Variants in RSF1 observed in about 807,000 individuals in gnomAD.
RSF1 encodes HBV pX-associated protein 8.
Under a neutral mutation model 145.2 loss-of-function variants are expected in RSF1, and 13 were observed. That is an observed-to-expected ratio of 0.09 (90% CI 0.06 to 0.14). The LOEUF (loss-of-function observed/expected upper bound fraction) is 0.14, where lower values mean the gene tolerates loss of function less well. Ranked by LOEUF, RSF1 falls within the 10% of genes least tolerant of loss-of-function variation. The pLI, the probability that RSF1 is intolerant of heterozygous loss-of-function variation, is 1.00. For missense variants in RSF1, 1,517 were observed against 1,718.2 expected (o/e 0.88, Z 2.07); for synonymous variants, 577 against 592.6 (o/e 0.97, Z 0.38).
intron 4 of RSF1, among the ~76,000 whole-genome samples, chr11:77,729,092 G>C (rs1277280306): frequency 2.6e-5 from 4 of 152,166 alleles, no homozygotes; most frequent in African/African-American, 4.8e-5. Flanking sequence ...AGCACTCTCT[G>C]TAGTCCCACT....
intron 5 of RSF1, chr11:77,717,871 T>C (rs1960853077): frequency 6.6e-6 from 1 of 152,162 alleles, no homozygotes; most frequent in Non-Finnish European, 1.5e-5. Flanking sequence ...CAATAGAAAA[T>C]ATAAAAAATA....
At chr11:77,830,129 T>G in the RSF1 span, 1 of 151,882 alleles carries the variant, frequency 6.6e-6, no homozygotes. Context: ...ACCCTGTACC[T>G]AAAAGAAGAA....
intron 5 of RSF1, among the ~76,000 whole-genome samples, chr11:77,706,057 C>T (rs1960540640): frequency 6.6e-6 from 1 of 151,848 alleles, no homozygotes. Context: ...CAAAGGTCAA[C>T]ACGGTGAAAC....
chr11:77,712,060 G>A (rs1295730395), intron 5 of RSF1, among the ~76,000 whole-genome samples: 3 of 152,094 alleles, frequency 2.0e-5, no homozygotes, highest in African/African-American at 2.4e-5. Context: ...CAAAAGTTAC[G>A]TTGTGCTTTG....
intron 1 of RSF1, among the ~76,000 whole-genome samples, chr11:77,796,396 C>G (rs1421974473): frequency 6.6e-6 from 1 of 152,074 alleles, no homozygotes; most frequent in Non-Finnish European, 1.5e-5. Flanking sequence ...ATAAACAGAA[C>G]CAATGACAAA....
chr11:77,867,845 G>A, the RSF1 span, among the ~76,000 whole-genome samples: 1 of 152,176 alleles, frequency 6.6e-6, no homozygotes, highest in East Asian at 1.9e-4. Flanking sequence ...TGATTGGTAG[G>A]TTTTAAAGCA....
In RSF1 at chr11:77,701,681, T is replaced by G. The variant is rs1314646507; in HGVS notation, c.1548A>C (p.Ser516=). The change falls in exon 6 of 16, where the codon TCA becomes TCC. Residue 516 remains serine, a synonymous_variant. Coordinates refer to ENST00000308488, the MANE Select transcript of RSF1 (RefSeq NM_016578.4). ...GACTATGGATCTCTAAGACTGATAT[T>G]GAACTATCTGCATCTTTCCTCAAAG... ...TAPLRKDADS[S]ISVLEIHSQK... is the part of the protein sequence containing the mutation. The G allele has an allele frequency of 6.2e-7, 1 of 1,614,054 alleles. No homozygotes were observed.
chr11:77,681,052 C>T (rs1288247014), intron 11 of RSF1, among the ~76,000 whole-genome samples: 5 of 152,054 alleles, frequency 3.3e-5, no homozygotes, highest in Non-Finnish European at 7.4e-5. Flanking sequence ...ATGAAACATC[C>T]CACTCTTGCC....
chr11:77,706,238 TC>T (rs1288563592), intron 5 of RSF1, among the ~76,000 whole-genome samples: 28 of 115,644 alleles, frequency 2.4e-4, no homozygotes, highest in African/African-American at 8.1e-4. Context: ...AGACTCTGTC[TC>T]CAAAAAAAAA....
intron 2 of RSF1, among the ~76,000 whole-genome samples, chr11:77,761,100 C>T (rs1038109670): frequency 1.3e-5 from 2 of 151,990 alleles, no homozygotes; most frequent in Middle Eastern, 3.2e-3. Context: ...CCACGCCCAG[C>T]TAATTTTTTT....
At chr11:77,769,301 C>A (rs1368272952) in intron 1 of RSF1, among the ~76,000 whole-genome samples, 1 of 152,166 alleles carries the variant, frequency 6.6e-6, no homozygotes, top group Non-Finnish European at 1.5e-5. Context: ...TGATCATTTT[C>A]TAAAACACTG....
At chr11:77,788,757 T>C (rs1227167352) in intron 1 of RSF1, among the ~76,000 whole-genome samples, 1 of 152,136 alleles carries the variant, frequency 6.6e-6, no homozygotes. Flanking sequence ...CTTAAATCTA[T>C]GACCAAAGCT....
chr11:77,774,471 C>T (rs1413752221), intron 1 of RSF1, among the ~76,000 whole-genome samples: 2 of 151,798 alleles, frequency 1.3e-5, no homozygotes, highest in Non-Finnish European at 2.9e-5. Context: ...ACTCGGGAGG[C>T]TGAGGCAGGA....
chr11:77,685,255 C>T (rs1191479467), intron 9 of RSF1, 96 bp from the exon 10 acceptor site: 8 of 632,046 alleles, frequency 1.3e-5, no homozygotes, highest in Middle Eastern at 3.2e-4. Flanking sequence ...ATTACAATTT[C>T]ACGTTAACAG....
chr11:77,717,168 A>G (rs1007466679), intron 5 of RSF1, among the ~76,000 whole-genome samples: 3 of 75,342 alleles, frequency 4.0e-5, no homozygotes, highest in Non-Finnish European at 7.5e-5. Context: ...AAAAAAAAAC[A>G]AAAACCAAAA....
chr11:77,785,984 T>C lies in RSF1; in HGVS notation c.188-21295A>G, dbSNP rs895627889. Among the ~76,000 whole-genome samples the C allele has an allele frequency of 2.5e-4, 11 of 44,264 alleles. No homozygotes were observed. In the Admixed American group the frequency reaches 2.7e-3, roughly 11 times the overall value. 29.0% of individuals were successfully genotyped at this position (44,264 alleles called of 152,430 possible). A position where few individuals can be genotyped will look rare whatever the true frequency, so the allele number is the denominator to read the frequency against. On this transcript the variant is annotated intron_variant, in intron 1 of 15. Coordinates refer to ENST00000308488, the MANE Select transcript of RSF1 (RefSeq NM_016578.4). ...TATACGTAGATCTATTTGTTAAACA[T>C]GAACTATGAACTCTAAAAAGAAACA...
intron 1 of RSF1, among the ~76,000 whole-genome samples, chr11:77,779,505 C>G (rs1360612111): frequency 6.6e-6 from 1 of 152,042 alleles, no homozygotes; most frequent in African/African-American, 2.4e-5. Context: ...GCCTCAGCCT[C>G]CCAAGTAGCT....
chr11:77,680,887 T>C (rs1218413558), intron 11 of RSF1, among the ~76,000 whole-genome samples: 1 of 152,180 alleles, frequency 6.6e-6, no homozygotes, highest in African/African-American at 2.4e-5. Flanking sequence ...AGATGCAAAA[T>C]TAACTGAAAA....
chr11:77,869,910 A>G, the RSF1 span: 2 of 1,205,642 alleles, frequency 1.7e-6, no homozygotes, highest in Admixed American at 3.5e-5. Context: ...GGTCATCTTT[A>G]TATATCATGT....
Sources: allele counts gnomAD v4.1 joint callset (sites outside exome capture counted in the v4.1 genomes callset), GRCh38; gene constraint gnomAD v4.1.1; transcripts MANE v1.5; gene names NCBI Gene and HGNC (gene_info 2026-07-23, HGNC 2026-07-21).